Variants in NKAIN3 observed in about 807,000 individuals in gnomAD.
NKAIN3 encodes the protein sodium/potassium-transporting ATPase subunit beta-1-interacting protein 3.
In NKAIN3, 25 loss-of-function variants were observed where a neutral mutation model predicts 30.2. That is an observed-to-expected ratio of 0.83 (90% CI 0.60 to 1.16). The LOEUF (loss-of-function observed/expected upper bound fraction) is 1.16. NKAIN3 is among the 50% of genes most tolerant of loss of function. The pLI, the probability that NKAIN3 is intolerant of heterozygous loss-of-function variation, is 0.00. For missense variants in NKAIN3, 225 were observed against 254.1 expected, an observed-to-expected ratio of 0.89 and a Z score of 0.78; for synonymous variants, 91 against 89.6, an observed-to-expected ratio of 1.02 and a Z score of -0.09.
intron 1 of NKAIN3, among the ~76,000 whole-genome samples, chr8:62,574,429 G>GTTTTT (rs1810043494): frequency 6.6e-6 from 1 of 151,992 alleles, no homozygotes; most frequent in Non-Finnish European, 1.5e-5. Flanking sequence ...TGGATCATAT[G>GTTTTT]GTAGCTCTAT....
At chr8:62,817,880 G>T (rs969848058) in intron 4 of NKAIN3, among the ~76,000 whole-genome samples, 1 of 152,000 alleles carries the variant, frequency 6.6e-6, no homozygotes, top group Non-Finnish European at 1.5e-5. Flanking sequence ...TTCATTTATC[G>T]TTTTTGTGTT....
At chr8:62,790,581 CTGTG>C (rs35454019) in intron 4 of NKAIN3, among the ~76,000 whole-genome samples, 20 of 147,394 alleles carry the variant, frequency 1.4e-4, no homozygotes, top group Admixed American at 6.8e-4. Flanking sequence ...GTCTGTCTGT[CTGTG>C]TGTGTGTGTG....
chr8:62,683,517 T>A (rs1340261352), intron 3 of NKAIN3, among the ~76,000 whole-genome samples: 1 of 152,196 alleles, frequency 6.6e-6, no homozygotes, highest in South Asian at 2.1e-4. Flanking sequence ...GAAATCATAA[T>A]GTGTTAGGGT....
rs1812532122 is a variant in NKAIN3, at chr8:62,264,016, T to C, written c.54+14889T>C. On this transcript the variant is annotated intron_variant, in intron 1 of 6. Coordinates refer to ENST00000623646, the MANE Select transcript of NKAIN3 (RefSeq NM_001304533.3). ...AAATATAGGCTAATTGCTAAATATA[T>C]GTAGCAATCCACTGAACATTGGTCA... Among the ~76,000 whole-genome samples, 3 of 152,196 alleles carry C rather than the reference T, an allele frequency of 2.0e-5. 1 individual carries two copies. The highest frequency in any genetic ancestry group is 2.0e-4 in the Admixed American group (3 of 15,274).
rs372938683 is a variant in NKAIN3, at chr8:62,870,240, CTATAGATATCTATATA to C, written c.472-48208_472-48193del. Among the ~76,000 whole-genome samples the C allele has an allele frequency of 4.3e-3, 488 of 113,776 alleles. 2 individuals carry two copies. Among genetic ancestry groups the C allele is most frequent in the Middle Eastern group, 0.01 (2 of 200 alleles). The allele number at this position is 113,776 out of a possible 152,430, so 74.6% of individuals were successfully genotyped here. A position where few individuals can be genotyped will look rare whatever the true frequency, so the allele number is the denominator to read the frequency against. ...TATATCTATATCTATATATAGATATCTATAGATATCTATATATATATCTATATATAGATATATATAA... is the reference window on the plus strand; with the variant it reads ...TATATCTATATCTATATATAGATATCTATATCTATATATAGATATATATAA... On this transcript the variant is annotated intron_variant, in intron 4 of 6. Transcript: ENST00000623646.
chr8:62,376,625 C>T (rs1026572160), intron 1 of NKAIN3, among the ~76,000 whole-genome samples: 4 of 152,160 alleles, frequency 2.6e-5, no homozygotes, highest in Admixed American at 6.5e-5. Context: ...TCTCTAGGTA[C>T]TGATCTCAGT....
At chr8:62,685,641 A>G (rs1333220223) in intron 3 of NKAIN3, among the ~76,000 whole-genome samples, 1 of 152,180 alleles carries the variant, frequency 6.6e-6, no homozygotes, top group Admixed American at 6.5e-5. Flanking sequence ...ATTGCTACGG[A>G]TAGTCACAGT....
intron 4 of NKAIN3, among the ~76,000 whole-genome samples, chr8:62,917,794 T>C (rs958577231): frequency 1.3e-5 from 2 of 152,210 alleles, no homozygotes; most frequent in East Asian, 1.9e-4. Flanking sequence ...TTTGGCTCCA[T>C]GGAATAAAAA....
At chr8:62,296,127 T>C (rs995584705) in intron 1 of NKAIN3, among the ~76,000 whole-genome samples, 3 of 152,170 alleles carry the variant, frequency 2.0e-5, no homozygotes, top group African/African-American at 7.2e-5. Context: ...AAACTCTTTT[T>C]GTGTTTGGAG....
In NKAIN3 at chr8:62,394,828, G is replaced by A. The variant is rs7836882; in HGVS notation, c.54+145701G>A. Among the ~76,000 whole-genome samples, 499 of 149,230 alleles carry A rather than the reference G, an allele frequency of 3.3e-3. 3 individuals are homozygous for A. Among genetic ancestry groups the A allele is most frequent in the African/African-American group, 0.012 (483 of 40,484 alleles). On this transcript the variant is annotated intron_variant, in intron 1 of 6. Coordinates refer to ENST00000623646, the MANE Select transcript of NKAIN3 (RefSeq NM_001304533.3). ...CTCATCACTTCTCAGATGGTGGGGC[G>A]GCCAAGCAGAGGCGCTGCTCACTTC...
rs1166601206 is a variant in NKAIN3, at chr8:62,974,457, CTGTT to C, written c.*9054_*9057del. On this transcript the variant is annotated 3_prime_UTR_variant, in exon 7 of 7. Transcript: ENST00000623646. ...GGGAGTTTGTTCATGATTTGGCTCT[CTGTT>C]TGTCTATTATTGGTGTATAGGAATG... Among the ~76,000 whole-genome samples the C allele has an allele frequency of 2.0e-5, 3 of 152,094 alleles. No individual in the cohort carries two copies. Among genetic ancestry groups the C allele is most frequent in the Non-Finnish European group, 2.9e-5 (2 of 68,026 alleles).
intron 1 of NKAIN3, among the ~76,000 whole-genome samples, chr8:62,362,403 A>G (rs1432181210): frequency 6.6e-6 from 1 of 152,218 alleles, no homozygotes; most frequent in Non-Finnish European, 1.5e-5. Flanking sequence ...GAGAATGAAC[A>G]TAAAACCAGG....
chr8:62,462,782 G>A (rs995275890), intron 1 of NKAIN3, among the ~76,000 whole-genome samples: 2 of 152,170 alleles, frequency 1.3e-5, no homozygotes, highest in Admixed American at 6.5e-5. Flanking sequence ...GGTTCCTGGG[G>A]TCTGAGGAAA....
intron 3 of NKAIN3, among the ~76,000 whole-genome samples, chr8:62,717,727 C>G (rs1814952758): frequency 6.6e-6 from 1 of 151,934 alleles, no homozygotes; most frequent in Admixed American, 6.6e-5. Context: ...ATTTTTGAAT[C>G]TTTTTAATTT....
intron 4 of NKAIN3, among the ~76,000 whole-genome samples, chr8:62,772,014 A>G (rs1269074365): frequency 6.7e-6 from 1 of 150,130 alleles, no homozygotes; most frequent in Admixed American, 6.6e-5. Flanking sequence ...TATTTATCCT[A>G]TCTAACTATA....
intron 4 of NKAIN3, among the ~76,000 whole-genome samples, chr8:62,909,313 A>G (rs960489253): frequency 1.3e-5 from 2 of 152,240 alleles, no homozygotes; most frequent in Non-Finnish European, 2.9e-5. Flanking sequence ...AATATATCAA[A>G]GAAGATGGAA....
chr8:62,631,527 C>T (rs927551930), intron 3 of NKAIN3, among the ~76,000 whole-genome samples: 1 of 152,182 alleles, frequency 6.6e-6, no homozygotes, highest in Non-Finnish European at 1.5e-5. Flanking sequence ...CTTCTCACAG[C>T]TTTTGAAAGA....
chr8:62,388,692 G>C (rs1817501180), intron 1 of NKAIN3, among the ~76,000 whole-genome samples: 1 of 152,172 alleles, frequency 6.6e-6, no homozygotes, highest in Non-Finnish European at 1.5e-5. Flanking sequence ...TTAAAATTAA[G>C]ACATCAGACT....
chr8:62,444,948 C>T (rs920461456), intron 1 of NKAIN3, among the ~76,000 whole-genome samples: 25 of 151,894 alleles, frequency 1.6e-4, no homozygotes, highest in African/African-American at 6.0e-4. Context: ...TTTGCATTTT[C>T]CTTTTCTTCT....
Sources: gnomAD v4.1 joint callset for allele counts (sites outside exome capture counted in the v4.1 genomes callset) on GRCh38, gnomAD v4.1.1 for gene constraint, MANE v1.5 for transcripts, NCBI Gene and HGNC (gene_info 2026-07-23, HGNC 2026-07-21) for gene names.